The following LY6S variants were observed in gnomAD, a reference collection of about 807,000 sequenced individuals.
The protein encoded by LY6S is lymphocyte antigen 6S.
At chr8:143,044,770 G>A in the LY6S span, 634 of 1,367,460 alleles carry the variant, frequency 4.6e-4, 1 homozygote, top group Admixed American at 1.5e-3. Context: ...TTCCAAGACC[G>A]CCAAGCATCT....
chr8:143,071,328 G>C, the LY6S span, among the ~76,000 whole-genome samples: 2 of 152,176 alleles, frequency 1.3e-5, no homozygotes, highest in Non-Finnish European at 2.9e-5. Flanking sequence ...TAGAGGGGAG[G>C]GATGAGTGGG....
At chr8:143,072,922 C>T in the LY6S span, among the ~76,000 whole-genome samples, 24 of 37,146 alleles carry the variant, frequency 6.5e-4, no homozygotes, top group East Asian at 5.0e-3. Flanking sequence ...GCCGTCATCC[C>T]CGGGGTTCCT....
At chr8:143,058,942 G>T in the LY6S span, among the ~76,000 whole-genome samples, 1 of 152,234 alleles carries the variant, frequency 6.6e-6, no homozygotes. Flanking sequence ...TTTTTCCTAG[G>T]CTATGATTAT....
At chr8:143,047,953 T>G in the LY6S span, 1 of 152,276 alleles carries the variant, frequency 6.6e-6, no homozygotes, top group East Asian at 1.9e-4. Flanking sequence ...AAAATGTTCT[T>G]TCTCCTTTGC....
chr8:143,066,004 C>A, the LY6S span: 60 of 355,188 alleles, frequency 1.7e-4, no homozygotes, highest in South Asian at 1.4e-3. Flanking sequence ...TCATGAGATC[C>A]ATTCCTGACT....
At chr8:143,072,329 A>T in the LY6S span, among the ~76,000 whole-genome samples, 1 of 137,316 alleles carries the variant, frequency 7.3e-6, no homozygotes, top group Non-Finnish European at 1.6e-5. Context: ...CTGTTAGAGA[A>T]GACAGCCGTC....
At chr8:143,043,070 G>A in the LY6S span, 4 of 1,367,854 alleles carry the variant, frequency 2.9e-6, no homozygotes, top group South Asian at 4.5e-5. Flanking sequence ...AGCAGCTGGT[G>A]ACGCACAGGG....
chr8:143,050,894 G>A, the LY6S span, among the ~76,000 whole-genome samples: 2 of 152,252 alleles, frequency 1.3e-5, no homozygotes, highest in Non-Finnish European at 2.9e-5. Context: ...AAAAAGCAGA[G>A]TGAGTCCCCT....
chr8:143,073,140 T>G, the LY6S span, among the ~76,000 whole-genome samples: 1 of 146,362 alleles, frequency 6.8e-6, no homozygotes, highest in African/African-American at 2.6e-5. Context: ...GGTTCCTGTT[T>G]GAGGAGACAG....
chr8:143,041,031 C>A, the LY6S span, among the ~76,000 whole-genome samples: 3 of 152,072 alleles, frequency 2.0e-5, no homozygotes, highest in Non-Finnish European at 4.4e-5. Flanking sequence ...GGAGGCAGGG[C>A]GAGATCACAG....
chr8:143,073,311 G>T, the LY6S span, among the ~76,000 whole-genome samples: 1 of 146,982 alleles, frequency 6.8e-6, no homozygotes, highest in African/African-American at 2.6e-5. Context: ...GCTCCTGTTC[G>T]AGGAGACAGC....
At chr8:143,069,448 G>A in the LY6S span, among the ~76,000 whole-genome samples, 1,645 of 152,268 alleles carry the variant, frequency 0.011, 18 homozygotes, top group Admixed American at 0.018. Flanking sequence ...TGCCTTCTTA[G>A]AAGTGCCGCA....
At chr8:143,050,045 G>A in the LY6S span, among the ~76,000 whole-genome samples, 4 of 152,312 alleles carry the variant, frequency 2.6e-5, no homozygotes, top group East Asian at 1.9e-4. Context: ...CGCCTGGTCC[G>A]GTTGTGGGAG....
chr8:143,044,308 C>A, the LY6S span: 19 of 447,700 alleles, frequency 4.2e-5, no homozygotes, highest in Non-Finnish European at 6.8e-5. Flanking sequence ...CAGCAGCTGG[C>A]GTTGGGAGGC....
At chr8:143,071,750 T>A in the LY6S span, among the ~76,000 whole-genome samples, 2 of 152,238 alleles carry the variant, frequency 1.3e-5, no homozygotes, top group East Asian at 3.9e-4. Flanking sequence ...CAGGAGGACG[T>A]CTGTGAGGTT....
the LY6S span, chr8:143,044,881 A>G: frequency 3.3e-5 from 41 of 1,249,234 alleles, no homozygotes; most frequent in African/African-American, 5.8e-4. Context: ...CATGCCCACA[A>G]GGGCACCCAC....
At chr8:143,061,873 T>C in the LY6S span, among the ~76,000 whole-genome samples, 2 of 152,168 alleles carry the variant, frequency 1.3e-5, no homozygotes. Context: ...TTTAAGTAAC[T>C]GATAGAACAA....
At chr8:143,048,126 C>T in the LY6S span, 1 of 152,222 alleles carries the variant, frequency 6.6e-6, no homozygotes. Context: ...TTCCCTTCCC[C>T]GCAGCGGGTA....
At chr8:143,071,449 GC>G in the LY6S span, among the ~76,000 whole-genome samples, 1 of 152,160 alleles carries the variant, frequency 6.6e-6, no homozygotes, top group Admixed American at 6.5e-5. Flanking sequence ...CAAAGAGTGA[GC>G]CCTGGTGTAA....
Sources: allele counts gnomAD v4.1 joint callset (sites outside exome capture counted in the v4.1 genomes callset), GRCh38; gene constraint gnomAD v4.1.1; transcripts MANE v1.5; gene names NCBI Gene and HGNC (gene_info 2026-07-23, HGNC 2026-07-21).